The following ARHGAP8 variants were observed in gnomAD, a reference collection of about 807,000 sequenced individuals.
The protein encoded by ARHGAP8 is rho GTPase-activating protein 8.
ARHGAP8 carries 62 observed loss-of-function variants against 46.1 expected under a neutral mutation model. That is an observed-to-expected ratio of 1.34 (90% CI 1.10 to 1.66). The LOEUF is 1.66. Ranked by LOEUF, ARHGAP8 falls within the 40% of genes most tolerant of loss-of-function variation. The probability of loss-of-function intolerance (pLI) is 0.00; values close to 1 mark genes in which losing one functional copy is unlikely to be tolerated. For missense variants in ARHGAP8, 923 were observed against 568.4 expected (o/e 1.62, Z -6.34); for synonymous variants, 375 against 243.1 (o/e 1.54, Z -5.05).
intron 7 of ARHGAP8, among the ~76,000 whole-genome samples, chr22:44,842,129 C>T (rs567333673): frequency 4.6e-5 from 7 of 152,256 alleles, no homozygotes; most frequent in South Asian, 2.1e-4. Flanking sequence ...GAGGCTGGGG[C>T]GGGCGGATCA....
intron 7 of ARHGAP8, among the ~76,000 whole-genome samples, chr22:44,840,738 A>G (rs1007845553): frequency 2.7e-4 from 41 of 152,216 alleles, no homozygotes; most frequent in African/African-American, 9.2e-4. Context: ...AAGCCGGCAC[A>G]TCCCTTTTCG....
intron 8 of ARHGAP8, among the ~76,000 whole-genome samples, chr22:44,845,887 C>T (rs1369832111): frequency 6.6e-6 from 1 of 152,180 alleles, no homozygotes; most frequent in Non-Finnish European, 1.5e-5. Context: ...AAGAGGTTCC[C>T]ACGGAGGAGC....
At chr22:44,785,882 G>A (rs1226640089) in intron 1 of ARHGAP8, among the ~76,000 whole-genome samples, 3 of 152,128 alleles carry the variant, frequency 2.0e-5, no homozygotes, top group South Asian at 2.1e-4. Flanking sequence ...CTGGCTTCCT[G>A]CTGGCTGCCA....
Position 44,819,630 on chromosome 22 carries a change from G to A in ARHGAP8, c.387-2741G>A, listed in dbSNP as rs575044357. Among the ~76,000 whole-genome samples, 39 of 152,212 alleles carry A rather than the reference G, an allele frequency of 2.6e-4. No individual in the cohort carries two copies. The South Asian group carries it at 7.5e-3, about 29-fold the overall frequency. On this transcript the variant is annotated intron_variant, in intron 5 of 11. Transcript: ENST00000356099. ...GGAGGTTGCAGTGAGCCAAGATCGC[G>A]CCATTGCACTCCAGCCTGGGCAATA... is the stretch of plus-strand genomic sequence containing the variant.
chr22:44,772,253 T>TTTTTTTTC (rs1555909610), intron 1 of ARHGAP8, among the ~76,000 whole-genome samples: 1 of 73,254 alleles, frequency 1.4e-5, no homozygotes, highest in African/African-American at 4.8e-5. Flanking sequence ...TTTTTTTTTT[T>TTTTTTTTC]CAAGACTGAG....
chr22:44,773,390 T>C (rs915360245), intron 1 of ARHGAP8, among the ~76,000 whole-genome samples: 1 of 152,224 alleles, frequency 6.6e-6, no homozygotes, highest in Non-Finnish European at 1.5e-5. Flanking sequence ...TTTACTGTGT[T>C]CTGATTGGTG....
rs140060724 is a variant in ARHGAP8, at chr22:44,784,804, T to C, written c.-71-1653T>C. On this transcript the variant is annotated intron_variant, in intron 1 of 11. Coordinates refer to ENST00000356099, the MANE Select transcript of ARHGAP8 (RefSeq NM_181335.3). ...GCCCGACGCAGGGGCTTTGCCTGTGTGGCTGCTGGGTCCTCACTGCCGGAA... is the reference window on the plus strand; with the variant it reads ...GCCCGACGCAGGGGCTTTGCCTGTGCGGCTGCTGGGTCCTCACTGCCGGAA... 2.9e-4 allele frequency among the ~76,000 whole-genome samples: 44 copies of C among 152,348 alleles called. 1 individual carries two copies. Among genetic ancestry groups the C allele is most frequent in the African/African-American group, 1.0e-3 (42 of 41,584 alleles).
At chr22:44,855,063 A>G (rs1350245246) in intron 10 of ARHGAP8, among the ~76,000 whole-genome samples, 3 of 152,252 alleles carry the variant, frequency 2.0e-5, no homozygotes, top group Non-Finnish European at 4.4e-5. Flanking sequence ...AGCTTTAGAA[A>G]TGTTTTATAT....
In ARHGAP8 at chr22:44,825,578, G is replaced by A. The variant is rs1419257830; in HGVS notation, c.581G>A (p.Gly194Asp). The A allele has an allele frequency of 2.5e-6, 4 of 1,613,146 alleles. No homozygotes were observed. The highest frequency in any genetic ancestry group is 3.4e-6 in the Non-Finnish European group (4 of 1,179,740). ...CCCCCGCTGCCCACACAGCAGTTTGGCGTCAGTCTGCAATAGTAAGTGAGC... is the reference window on the plus strand; with the variant it reads ...CCCCCGCTGCCCACACAGCAGTTTGACGTCAGTCTGCAATAGTAAGTGAGC... ...PRPPLPTQQFGVSLQYLKDKN... is the reference protein window; with the variant it reads ...PRPPLPTQQFDVSLQYLKDKN... The change falls in exon 7 of 12, where the codon GGC (glycine) becomes GAC (aspartate). Residue 194 changes from glycine to aspartate, a missense_variant. By Grantham distance (94) the Gly-to-Asp change is moderately conservative (BLOSUM62 -1). Transcript: ENST00000356099.
rs866161340 is a variant in ARHGAP8, at chr22:44,779,645, T to C, written c.-71-6812T>C. On this transcript the variant is annotated intron_variant, in intron 1 of 11. Transcript: ENST00000356099. ...GGGGTGATCTCGGCTCACTGCAACC[T>C]CTGCCTACCAGGTTCAAGCAATTCT... 4.1e-5 allele frequency among the ~76,000 whole-genome samples: 6 copies of C among 145,298 alleles called. No individual in the cohort carries two copies. In the South Asian group the frequency reaches 6.7e-4, roughly 16 times the overall value.
rs149481944 is a variant in ARHGAP8, at chr22:44,772,922, G to A, written c.-71-13535G>A. Among the ~76,000 whole-genome samples, 294 of 150,672 alleles carry A rather than the reference G, an allele frequency of 2.0e-3. 3 individuals carry two copies. Among genetic ancestry groups the A allele is most frequent in the African/African-American group, 6.7e-3 (274 of 41,042 alleles). On this transcript the variant is annotated intron_variant, in intron 1 of 11. Coordinates refer to ENST00000356099, the MANE Select transcript of ARHGAP8 (RefSeq NM_181335.3). Reference sequence around the variant, plus strand: ...CAGCCCTGACCTCCTGGGTTCAAGCGGTCCTCCTACTTCAGCCTCCCAAGT... The same window carrying A: ...CAGCCCTGACCTCCTGGGTTCAAGCAGTCCTCCTACTTCAGCCTCCCAAGT...
rs132489 is a variant in ARHGAP8, at chr22:44,779,564, A to ATT, written c.-71-6879_-71-6878dup. The stretch of plus-strand genomic sequence containing the variant: ...TACATGGGCGGTTTCCAGTTTGAGG[A>ATT]TTTTTTTTTTTTTTTGAGTTGGAGT... On this transcript the variant is annotated intron_variant, in intron 1 of 11. Transcript: ENST00000356099. Among the ~76,000 whole-genome samples the ATT allele has an allele frequency of 9.4e-3, 1,187 of 126,208 alleles. 60 individuals carry two copies. Among genetic ancestry groups the ATT allele is most frequent in the African/African-American group, 0.032 (1,060 of 32,894 alleles). 82.8% of individuals were successfully genotyped at this position (126,208 alleles called of 152,430 possible). A position where few individuals can be genotyped will look rare whatever the true frequency, so the allele number is the denominator to read the frequency against.
chr22:44,782,526 A>C (rs1926918546), intron 1 of ARHGAP8, among the ~76,000 whole-genome samples: 1 of 147,140 alleles, frequency 6.8e-6, no homozygotes. Flanking sequence ...CCTGGCATCC[A>C]CCCATCTGCT....
At chr22:44,786,307 A>T in intron 1 of ARHGAP8, 150 bp from the exon 2 acceptor site, 1 of 949,058 alleles carries the variant, frequency 1.1e-6, no homozygotes. Flanking sequence ...CGGCTGAGGC[A>T]GGGCGCGTAG....
intron 8 of ARHGAP8, 75 bp downstream of exon 8, chr22:44,845,417 C>T (rs2069930053): frequency 1.9e-6 from 3 of 1,596,714 alleles, no homozygotes; most frequent in Admixed American, 1.7e-5. Context: ...TGTCTTGGAT[C>T]CTGAGCACCC....
intron 7 of ARHGAP8, among the ~76,000 whole-genome samples, chr22:44,839,700 C>T (rs1450382778): frequency 6.6e-6 from 1 of 152,208 alleles, no homozygotes; most frequent in Non-Finnish European, 1.5e-5. Flanking sequence ...GCAGACGATA[C>T]ACACGTGGAG....
In ARHGAP8 at chr22:44,822,468, C is replaced by G; in HGVS notation, c.484C>G (p.Arg162Gly). Residue 162 changes from arginine (R) to glycine (G), a missense_variant and splice_region_variant, in exon 6 of 12, where the codon CGG (arginine) becomes GGG (glycine). Arg to Gly is a moderately radical substitution (Grantham distance 125, BLOSUM62 -2). Transcript: ENST00000356099. ...DQLVIPPEVL[R>G]YDEKLQSLHE... ...GCTGGTCATCCCTCCCGAAGTTTTG[C>G]GGTAAGTGCCTGTTAGACCCCAGAA... 1 of 1,550,036 alleles carries G rather than the reference C, an allele frequency of 6.5e-7. No individual in the cohort carries two copies. The highest frequency in any genetic ancestry group is 1.3e-5 in the South Asian group (1 of 79,174).
chr22:44,844,546 T>G lies in ARHGAP8; in HGVS notation c.597-723T>G, dbSNP rs570146704. Among the ~76,000 whole-genome samples, 133 of 152,204 alleles carry G rather than the reference T, an allele frequency of 8.7e-4. 1 individual carries two copies. The highest frequency in any genetic ancestry group is 3.5e-4 in the Non-Finnish European group (24 of 68,006). Reference sequence around the variant, plus strand: ...GGCACAATCTCAGCTCACTGCAACCTCCACCTCATGGGTTCAAGTGAGTCC... The same window carrying G: ...GGCACAATCTCAGCTCACTGCAACCGCCACCTCATGGGTTCAAGTGAGTCC... On this transcript the variant is annotated intron_variant, in intron 7 of 11. Coordinates refer to ENST00000356099, the MANE Select transcript of ARHGAP8 (RefSeq NM_181335.3).
intron 2 of ARHGAP8, among the ~76,000 whole-genome samples, chr22:44,795,147 C>T (rs1423195207): frequency 6.6e-6 from 1 of 152,084 alleles, no homozygotes; most frequent in African/African-American, 2.4e-5. Context: ...CAACAGCTCA[C>T]TCTCAGAGTT....
Sources: allele counts gnomAD v4.1 joint callset (sites outside exome capture counted in the v4.1 genomes callset), GRCh38; gene constraint gnomAD v4.1.1; transcripts MANE v1.5; gene names NCBI Gene and HGNC (gene_info 2026-07-23, HGNC 2026-07-21).